The following ZNF708 variants were observed in gnomAD, a reference collection of about 807,000 sequenced individuals.
ZNF708 encodes the protein ZNF15, ZNF15L1.
In ZNF708, 44 loss-of-function variants were observed where a neutral mutation model predicts 47.0. The observed-to-expected ratio is 0.94, with a 90% confidence interval of 0.74 to 1.20. The LOEUF (loss-of-function observed/expected upper bound fraction) is 1.20. ZNF708 is among the 50% of genes most tolerant of loss of function. The pLI is 0.00. For synonymous variants in ZNF708, 184 were observed against 218.5 expected (o/e 0.84, Z 1.39); for missense variants, 557 against 656.0 (o/e 0.85, Z 1.65).
In ZNF708 at chr19:21,293,720, C is replaced by T. The variant is rs929361839; in HGVS notation, c.1246G>A (p.Gly416Arg). Residue 416 changes from glycine to arginine, a missense_variant, in exon 4 of 4, where the codon GGA becomes AGA. Gly to Arg is a moderately radical substitution (Grantham distance 125, BLOSUM62 -2). Coordinates refer to ENST00000356929, the MANE Select transcript of ZNF708 (RefSeq NM_021269.3). ...TLTYHKVIHT[G>R]KKPYKCEECG... Reference sequence around the variant, plus strand: ...TCTTCACATTTGTAGGGTTTCTTTCCAGTATGAATTACCTTATGATAAGTA... The same window carrying T: ...TCTTCACATTTGTAGGGTTTCTTTCTAGTATGAATTACCTTATGATAAGTA... 2 of 1,613,084 alleles carry T rather than the reference C, an allele frequency of 1.2e-6. No homozygotes were observed. The highest frequency in any genetic ancestry group is 1.7e-6 in the Non-Finnish European group (2 of 1,179,738).
intron 3 of ZNF708, among the ~76,000 whole-genome samples, chr19:21,296,751 A>C (rs962815052): frequency 1.4e-5 from 2 of 144,896 alleles, no homozygotes; most frequent in Non-Finnish European, 3.1e-5. Flanking sequence ...TTTAATAATC[A>C]TGCAGAAAAC....
intron 3 of ZNF708, among the ~76,000 whole-genome samples, chr19:21,297,312 C>T (rs1255642511): frequency 9.5e-6 from 1 of 104,866 alleles, no homozygotes; most frequent in African/African-American, 3.6e-5. Flanking sequence ...GATGGAGTCT[C>T]ACTCTGTCGC....
chr19:21,305,607 C>T (rs186724061), intron 3 of ZNF708, among the ~76,000 whole-genome samples: 50 of 150,094 alleles, frequency 3.3e-4, no homozygotes, highest in East Asian at 1.0e-3. Context: ...TACAGGCACC[C>T]GCCACCACGC....
intron 1 of ZNF708, among the ~76,000 whole-genome samples, chr19:21,316,126 CTTTTT>C (rs1243985592): frequency 4.3e-5 from 3 of 70,024 alleles, no homozygotes; most frequent in Non-Finnish European, 8.1e-5. Flanking sequence ...CTTTTCTTTT[CTTTTT>C]TCTTTTTTTT....
chr19:21,316,126 CTTTTTTCTTTTT>C (rs1245491248), intron 1 of ZNF708, among the ~76,000 whole-genome samples: 2 of 70,024 alleles, frequency 2.9e-5, no homozygotes, highest in Admixed American at 3.4e-4. Flanking sequence ...CTTTTCTTTT[CTTTTTTCTTTTT>C]TTTTTTTTTT....
chr19:21,329,288 T>C lies in ZNF708; in HGVS notation c.-76A>G. ...CTGCAGGTCACAGAGCCACAGAGTCTGGGCCTCTAGGAGCAGAGGACAAAC... is the reference window on the plus strand; with the variant it reads ...CTGCAGGTCACAGAGCCACAGAGTCCGGGCCTCTAGGAGCAGAGGACAAAC... On this transcript the variant is annotated 5_prime_UTR_variant, in exon 1 of 4. Transcript: ENST00000356929. 1 of 1,596,216 alleles carries C rather than the reference T, an allele frequency of 6.3e-7. No individual in the cohort carries two copies. The highest frequency in any genetic ancestry group is 8.6e-7 in the Non-Finnish European group (1 of 1,166,592).
Position 21,293,073 on chromosome 19 carries a change from A to G in ZNF708, c.*201T>C. The G allele has an allele frequency of 1.5e-6, 1 of 688,980 alleles. No individual in the cohort carries two copies. The highest frequency in any genetic ancestry group is 2.3e-6 in the Non-Finnish European group (1 of 426,672). 42.7% of individuals were successfully genotyped at this position (688,980 alleles called of 1,614,324 possible). Reference sequence around the variant, plus strand: ...AGTTTAAGTTTTTTTATGTTTAGTAAGATTTAGGGACCAGTTAAATGCTTT... The same window carrying G: ...AGTTTAAGTTTTTTTATGTTTAGTAGGATTTAGGGACCAGTTAAATGCTTT... On this transcript the variant is annotated 3_prime_UTR_variant, in exon 4 of 4. Coordinates refer to ENST00000356929, the MANE Select transcript of ZNF708 (RefSeq NM_021269.3).
chr19:21,316,071 A>AC (rs200114543), intron 1 of ZNF708, among the ~76,000 whole-genome samples: 1 of 150,518 alleles, frequency 6.6e-6, no homozygotes, highest in African/African-American at 2.4e-5. Context: ...CCTGTCTCAA[A>AC]AAAAAAAAAA....
At chr19:21,303,511 G>A (rs1016038396) in intron 3 of ZNF708, among the ~76,000 whole-genome samples, 4 of 151,856 alleles carry the variant, frequency 2.6e-5, no homozygotes, top group Admixed American at 6.6e-5. Flanking sequence ...GCAAGATCAC[G>A]CTACAGCACT....
At chr19:21,308,599 CAG>C (rs1972835816) in intron 3 of ZNF708, among the ~76,000 whole-genome samples, 1 of 151,920 alleles carries the variant, frequency 6.6e-6, no homozygotes, top group South Asian at 2.1e-4. Flanking sequence ...TTTTAAGAGA[CAG>C]GGTCTCCTTA....
At position 21,309,323 on chromosome 19, in the gene ZNF708, A is replaced by G; in HGVS notation, c.149T>C (p.Leu50Ser). The change falls in exon 3 of 4, where the codon TTA becomes TCA. Residue 50 changes from leucine (L) to serine (S), a missense_variant. Coordinates refer to ENST00000356929, the MANE Select transcript of ZNF708 (RefSeq NM_021269.3). ...TTGCTCCAGACAGGTGATCAGGTCT[A>G]AATTAGACACAGCAATACCTGTTTT... ...LVFLGIAVSN[L>S]DLITCLEQGK... The G allele has an allele frequency of 6.3e-7, 1 of 1,597,960 alleles. No homozygotes were observed.
chr19:21,317,178 G>A (rs1018872361), intron 1 of ZNF708, among the ~76,000 whole-genome samples: 1 of 152,064 alleles, frequency 6.6e-6, no homozygotes, highest in Admixed American at 6.5e-5. Context: ...TACTTGGGAG[G>A]CTGAAGCAGG....
chr19:21,328,342 T>A (rs2145194201), intron 1 of ZNF708, among the ~76,000 whole-genome samples: 1 of 152,320 alleles, frequency 6.6e-6, no homozygotes, highest in East Asian at 1.9e-4. Flanking sequence ...ATCAAAAATG[T>A]ACACTAAAGG....
rs114881279 is a variant in ZNF708 at position 21,292,969 on chromosome 19, A to G, written c.*305T>C. The G allele has an allele frequency of 1.9e-3, 488 of 252,282 alleles. 3 individuals carry two copies. The highest frequency in any genetic ancestry group is 1.0e-2 in the African/African-American group (443 of 44,504). The allele number at this position is 252,282 out of a possible 1,614,324, so 15.6% of individuals were successfully genotyped here. On this transcript the variant is annotated 3_prime_UTR_variant, in exon 4 of 4. Transcript: ENST00000356929. ...CGCATTTTTAAAGTTCCTCACCAGT[A>G]TGATTTATTTTATGTTTAGAAAAGT...
At chr19:21,316,787 T>TC (rs1341709528) in intron 1 of ZNF708, among the ~76,000 whole-genome samples, 1 of 149,860 alleles carries the variant, frequency 6.7e-6, no homozygotes, top group Non-Finnish European at 1.5e-5. Flanking sequence ...ATCCCATCTC[T>TC]CTTTTTTTTT....
rs187337718 is a variant in ZNF708, at chr19:21,327,155, A to T, written c.3+2055T>A. 2.7e-4 allele frequency among the ~76,000 whole-genome samples: 41 copies of T among 152,312 alleles called. No individual in the cohort carries two copies. In the East Asian group the frequency reaches 7.1e-3, roughly 27 times the overall value. ...GTCCTATTAATAAAATGCAATTTAC[A>T]GTTAAATAATGGAAGTCAACATAAG... On this transcript the variant is annotated intron_variant, in intron 1 of 3. Coordinates refer to ENST00000356929, the MANE Select transcript of ZNF708 (RefSeq NM_021269.3).
At chr19:21,313,583 C>T (rs1342391436) in intron 1 of ZNF708, among the ~76,000 whole-genome samples, 1 of 151,834 alleles carries the variant, frequency 6.6e-6, no homozygotes, top group African/African-American at 2.4e-5. Flanking sequence ...CATGGTGAAG[C>T]CCCGTCTCTA....
At chr19:21,326,924 G>A (rs1255140241) in intron 1 of ZNF708, among the ~76,000 whole-genome samples, 3 of 151,618 alleles carry the variant, frequency 2.0e-5, no homozygotes, top group African/African-American at 7.3e-5. Flanking sequence ...ACAAGAGCAA[G>A]AGTCCATATT....
intron 3 of ZNF708, among the ~76,000 whole-genome samples, chr19:21,299,366 A>G (rs139221580): frequency 6.6e-6 from 1 of 152,142 alleles, no homozygotes; most frequent in South Asian, 2.1e-4. Context: ...CACACACACA[A>G]AAAAACAGAT....
Sources: gnomAD v4.1 joint callset for allele counts (sites outside exome capture counted in the v4.1 genomes callset) on GRCh38, gnomAD v4.1.1 for gene constraint, MANE v1.5 for transcripts, NCBI Gene and HGNC (gene_info 2026-07-23, HGNC 2026-07-21) for gene names.